Variants in DYNC2I1 observed in about 807,000 individuals in gnomAD.
The protein encoded by DYNC2I1 is dynein 2 intermediate chain 1, also known as cytoplasmic dynein 2 intermediate chain 1.
DYNC2I1 carries 89 observed loss-of-function variants against 133.4 expected under a neutral mutation model. The observed-to-expected ratio is 0.67, with a 90% CI of 0.56 to 0.80. DYNC2I1 has a LOEUF of 0.80. Ranked by LOEUF, DYNC2I1 falls within the 30% of genes least tolerant of loss-of-function variation. The pLI, the probability that DYNC2I1 is intolerant of heterozygous loss-of-function variation, is 0.00. For synonymous variants in DYNC2I1, 504 were observed against 484.3 expected (o/e 1.04, Z -0.54); for missense variants, 1,291 against 1,314.5 (o/e 0.98, Z 0.28).
chr7:158,848,832 G>A, the DYNC2I1 span, among the ~76,000 whole-genome samples: 3 of 152,058 alleles, frequency 2.0e-5, no homozygotes, highest in Non-Finnish European at 2.9e-5. Flanking sequence ...GCTGAGGCAG[G>A]AGAATGGCGT....
Position 158,879,780 on chromosome 7 carries a change from G to T in DYNC2I1, c.670G>T (p.Asp224Tyr). ...CAGGAAGCCCAGAGAGCCAGATCGA[G>T]ACAACAAACACCGAGAAAAAAGCAG... ...RHRKPREPDR[D>Y]NKHREKSSTR... The change falls in exon 5 of 25, where the codon GAC becomes TAC. Residue 224 changes from aspartate (D) to tyrosine (Y), a missense_variant. Transcript: ENST00000407559. 2 of 1,612,378 alleles carry T rather than the reference G, an allele frequency of 1.2e-6. No individual in the cohort carries two copies. Among genetic ancestry groups the T allele is most frequent in the Non-Finnish European group, 1.7e-6 (2 of 1,179,508 alleles).
intron 13 of DYNC2I1, among the ~76,000 whole-genome samples, chr7:158,913,576 T>C (rs1425645816): frequency 3.9e-5 from 6 of 152,244 alleles, no homozygotes; most frequent in South Asian, 2.1e-4. Flanking sequence ...TTGAATACTT[T>C]ACTGGTTTTT....
chr7:158,879,968 G>A lies in DYNC2I1; in HGVS notation c.858G>A (p.Glu286=). ...VDRKEKSAKD[E]PRKRESQNGE... ...GAAAAGAGAAATCGGCAAAAGATGA[G>A]CCCAGGAAAAGGGAATCCCAGGTAC... is the stretch of plus-strand genomic sequence containing the variant. The change falls in exon 5 of 25, where the codon GAG becomes GAA. Residue 286 remains glutamate, a synonymous_variant. Coordinates refer to ENST00000407559, the MANE Select transcript of DYNC2I1 (RefSeq NM_018051.5). 1 of 1,599,030 alleles carries A rather than the reference G, an allele frequency of 6.3e-7. No individual in the cohort carries two copies. Among genetic ancestry groups the A allele is most frequent in the Non-Finnish European group, 8.5e-7 (1 of 1,175,710 alleles).
the DYNC2I1 span, among the ~76,000 whole-genome samples, chr7:158,843,237 G>A: frequency 6.6e-6 from 1 of 152,000 alleles, no homozygotes. Context: ...TGGGACTAGA[G>A]GTGTGTGCCA....
chr7:158,894,944 T>C (rs1372484752), intron 8 of DYNC2I1, among the ~76,000 whole-genome samples: 4 of 152,198 alleles, frequency 2.6e-5, no homozygotes, highest in Non-Finnish European at 5.9e-5. Context: ...TTTTTGTATG[T>C]TTGTTTGCCA....
rs71523866 is a variant in DYNC2I1, at chr7:158,896,866, GTT to G, written c.1060-4860_1060-4859del. 3.8e-3 allele frequency among the ~76,000 whole-genome samples: 551 copies of G among 144,054 alleles called. 6 individuals are homozygous for G. Among genetic ancestry groups the G allele is most frequent in the African/African-American group, 0.012 (477 of 39,498 alleles). 94.5% of individuals were successfully genotyped at this position (144,054 alleles called of 152,430 possible). ...TATTCGTGAATGATATTGGTCTGTA[GTT>G]TTTTTTTTTTTTCTTGTAATATCTT... On this transcript the variant is annotated intron_variant, in intron 8 of 24. Coordinates refer to ENST00000407559, the MANE Select transcript of DYNC2I1 (RefSeq NM_018051.5).
At chr7:158,943,171 T>C (rs1160721490) in intron 24 of DYNC2I1, among the ~76,000 whole-genome samples, 1 of 152,180 alleles carries the variant, frequency 6.6e-6, no homozygotes, top group Non-Finnish European at 1.5e-5. Context: ...ATTTATTTAG[T>C]TTGATTCCTA....
intron 1 of DYNC2I1, among the ~76,000 whole-genome samples, chr7:158,857,901 C>T (rs560768896): frequency 6.6e-6 from 1 of 151,780 alleles, no homozygotes; most frequent in Non-Finnish European, 1.5e-5. Context: ...AGCGATTCTC[C>T]TGCCTCAGCC....
intron 5 of DYNC2I1, among the ~76,000 whole-genome samples, chr7:158,881,317 C>T (rs979773526): frequency 6.6e-5 from 10 of 152,288 alleles, no homozygotes; most frequent in East Asian, 1.9e-4. Context: ...GAGGCAGTGC[C>T]GGTTCTGCTA....
intron 7 of DYNC2I1, 148 bp from the exon 8 acceptor site, chr7:158,891,117 G>C: frequency 1.3e-6 from 1 of 788,032 alleles, no homozygotes; most frequent in Non-Finnish European, 2.2e-6. Context: ...GCTGGGACCT[G>C]CATCCCAGAG....
chr7:158,874,314 C>G (rs1843155264), intron 3 of DYNC2I1, among the ~76,000 whole-genome samples: 1 of 151,396 alleles, frequency 6.6e-6, no homozygotes, highest in Non-Finnish European at 1.5e-5. Context: ...TTCAAGTGAT[C>G]CTCATGCCTC....
intron 6 of DYNC2I1, among the ~76,000 whole-genome samples, chr7:158,885,643 A>G (rs1318168788): frequency 6.6e-6 from 1 of 152,156 alleles, no homozygotes; most frequent in Non-Finnish European, 1.5e-5. Context: ...TGCCTGGCCT[A>G]AACTCTCATA....
At chr7:158,935,668 G>A (rs1459724122) in intron 23 of DYNC2I1, among the ~76,000 whole-genome samples, 1 of 152,218 alleles carries the variant, frequency 6.6e-6, no homozygotes, top group African/African-American at 2.4e-5. Context: ...ATGTCCCCCT[G>A]TGGCTGTTGG....
chr7:158,889,282 A>T (rs372386109), intron 7 of DYNC2I1, among the ~76,000 whole-genome samples: 7 of 151,928 alleles, frequency 4.6e-5, no homozygotes, highest in Admixed American at 3.3e-4. Flanking sequence ...GGGATTCACC[A>T]TGTTAGCCAG....
At chr7:158,853,995 G>A (rs989590389), upstream of DYNC2I1, among the ~76,000 whole-genome samples, 1 of 147,614 alleles carries the variant, frequency 6.8e-6, no homozygotes, top group Non-Finnish European at 1.5e-5. Context: ...AAAATTTGAG[G>A]ATTGGAGTTT....
chr7:158,883,349 C>T (rs1367474127), intron 5 of DYNC2I1, among the ~76,000 whole-genome samples: 1 of 150,846 alleles, frequency 6.6e-6, no homozygotes, highest in African/African-American at 2.4e-5. Context: ...TCCCGAGTGG[C>T]TGGGATTACA....
chr7:158,891,853 A>G (rs1454078674), intron 8 of DYNC2I1, among the ~76,000 whole-genome samples: 3 of 152,028 alleles, frequency 2.0e-5, no homozygotes, highest in African/African-American at 4.8e-5. Context: ...GTATCCTCAT[A>G]TAAGGGAAGA....
intron 14 of DYNC2I1, among the ~76,000 whole-genome samples, chr7:158,915,309 G>T (rs62476473): frequency 7.0e-5 from 1 of 14,262 alleles, no homozygotes; most frequent in Non-Finnish European, 1.6e-4. Flanking sequence ...TGTGAAACCT[G>T]GACACGCTGG....
chr7:158,914,204 G>A lies in DYNC2I1; in HGVS notation c.1703-29G>A, dbSNP rs193081635. 6.3e-6 allele frequency: 10 copies of A among 1,577,026 alleles called. No homozygotes were observed. In the African/African-American group the frequency reaches 9.4e-5, roughly 15 times the overall value. On this transcript the variant is annotated intron_variant, in intron 13 of 24. Transcript: ENST00000407559. ...GCATGATTATTTTAGAGTCGACTTC[G>A]TTGATTTTATATAAACTGTTTTTTT...
Sources: gnomAD v4.1 joint callset for allele counts (sites outside exome capture counted in the v4.1 genomes callset) on GRCh38, gnomAD v4.1.1 for gene constraint, MANE v1.5 for transcripts, NCBI Gene and HGNC (gene_info 2026-07-23, HGNC 2026-07-21) for gene names.